The following SUPT6H variants were observed in gnomAD, a reference collection of about 807,000 sequenced individuals.
The protein encoded by SUPT6H is transcription elongation factor SPT6.
A neutral mutation model predicts 222.3 loss-of-function variants in SUPT6H; 11 were observed. That is an observed-to-expected ratio of 0.05 (90% CI 0.03 to 0.08). The LOEUF is 0.08. SUPT6H is among the 10% of genes least tolerant of loss of function. SUPT6H has a pLI of 1.00. For synonymous variants in SUPT6H, 762 were observed against 801.2 expected (o/e 0.95, Z 0.83); for missense variants, 1,422 against 2,216.0 (o/e 0.64, Z 7.19).
chr17:28,667,413 ATATATATATATATATATATATATG>A (rs2030115641), intron 1 of SUPT6H, among the ~76,000 whole-genome samples: 1 of 111,630 alleles, frequency 9.0e-6, no homozygotes, highest in Admixed American at 8.7e-5. Context: ...GTGTATATAT[ATATATATATATATATATATATATG>A]TATGTGTGTG....
intron 28 of SUPT6H, 76 bp downstream of exon 28, chr17:28,693,912 C>T: frequency 6.3e-7 from 1 of 1,587,572 alleles, no homozygotes; most frequent in South Asian, 1.1e-5. Flanking sequence ...TTTGGGCTGT[C>T]CCCACCAGAA....
In SUPT6H at chr17:28,687,432, T is replaced by C. The variant is rs974267237; in HGVS notation, c.2967T>C (p.Val989=). The change falls in exon 23 of 37, where the codon GTT becomes GTC. Residue 989 remains valine, a synonymous_variant. Coordinates refer to ENST00000314616, the MANE Select transcript of SUPT6H (RefSeq NM_003170.5). Reference sequence around the variant, plus strand: ...ACAGCCAGGCCTTGATCCAGTATGTTTGTGGCCTGGGACCTCGGAAAGGGA... The same window carrying C: ...ACAGCCAGGCCTTGATCCAGTATGTCTGTGGCCTGGGACCTCGGAAAGGGA... ...HPYSQALIQY[V]CGLGPRKGTH... 1.2e-6 allele frequency: 2 copies of C among 1,614,198 alleles called. No individual in the cohort carries two copies. Among genetic ancestry groups the C allele is most frequent in the Non-Finnish European group, 1.7e-6 (2 of 1,180,030 alleles).
chr17:28,662,605 TTC>T (rs2072077641), intron 1 of SUPT6H, among the ~76,000 whole-genome samples: 1 of 152,166 alleles, frequency 6.6e-6, no homozygotes, highest in Non-Finnish European at 1.5e-5. Context: ...CATCCCGTCC[TTC>T]TCTCCGCAGG....
At chr17:28,672,422 C>CT (rs540228695) in intron 1 of SUPT6H, among the ~76,000 whole-genome samples, 13 of 148,964 alleles carry the variant, frequency 8.7e-5, no homozygotes, top group South Asian at 2.1e-4. Context: ...CTTTTTTTTT[C>CT]TTTTTTTTCG....
At position 28,697,683 on chromosome 17, in the gene SUPT6H, G is replaced by A; in HGVS notation, c.4273G>A (p.Asp1425Asn). 6.2e-7 allele frequency: 1 copy of A among 1,614,194 alleles called. No individual in the cohort carries two copies. The highest frequency in any genetic ancestry group is 8.5e-7 in the Non-Finnish European group (1 of 1,180,046). ...YVQPMASFAR[D>N]LLNHKYYQDC... ...CCAGCCCATGGCATCCTTTGCCCGG[G>A]ACCTTCTGAATCACAAGTATTATCA... The change falls in exon 31 of 37, where the codon GAC (aspartate) becomes AAC (asparagine). Residue 1425 changes from aspartate to asparagine, a missense_variant. Asp to Asn is a conservative substitution (Grantham distance 23, BLOSUM62 1). Transcript: ENST00000314616.
Position 28,701,546 on chromosome 17 carries a change from C to A in SUPT6H, c.5102C>A (p.Ser1701Tyr). Reference protein sequence around the residue: ...KQKQRLTPRPSPSPMIESTPM... With the variant: ...KQKQRLTPRPYPSPMIESTPM... ...AAGCAGCGGCTGACACCTCGGCCCT[C>A]CCCCAGCCCCATGATCGAAAGCACC... The change falls in exon 37 of 37, where the codon TCC becomes TAC. Residue 1701 changes from serine to tyrosine, a missense_variant. This residue lies in a region of SUPT6H where 395 missense variants were observed against 580.6 expected (regional missense o/e 0.68). Coordinates refer to ENST00000314616, the MANE Select transcript of SUPT6H (RefSeq NM_003170.5). 6.2e-7 allele frequency: 1 copy of A among 1,614,042 alleles called. No individual in the cohort carries two copies. The highest frequency in any genetic ancestry group is 8.5e-7 in the Non-Finnish European group (1 of 1,179,990).
At chr17:28,670,617 G>A (rs2030355354) in intron 1 of SUPT6H, among the ~76,000 whole-genome samples, 1 of 152,132 alleles carries the variant, frequency 6.6e-6, no homozygotes, top group African/African-American at 2.4e-5. Flanking sequence ...CAGGCGCGGT[G>A]GCTCACGCCT....
intron 8 of SUPT6H, 116 bp from the exon 9 acceptor site, chr17:28,677,960 G>C: frequency 7.5e-7 from 1 of 1,337,660 alleles, no homozygotes; most frequent in Non-Finnish European, 1.1e-6. Flanking sequence ...GTGTGTATAT[G>C]AGAAAAATTT....
chr17:28,674,046 A>T (rs1021634049), intron 2 of SUPT6H, among the ~76,000 whole-genome samples: 4 of 152,252 alleles, frequency 2.6e-5, no homozygotes, highest in Admixed American at 2.6e-4. Flanking sequence ...AGCCAAAGTG[A>T]CGGGGAAGAT....
intron 32 of SUPT6H, among the ~76,000 whole-genome samples, chr17:28,699,425 G>A (rs2032047990): frequency 6.6e-6 from 1 of 152,172 alleles, no homozygotes; most frequent in African/African-American, 2.4e-5. Context: ...TGCTTTAGGG[G>A]AGTTGCGATT....
rs777138989 is a variant in SUPT6H, at chr17:28,687,339, G to A, written c.2874G>A (p.Leu958=). Residue 958 remains leucine (L), a synonymous_variant, in exon 23 of 37, where the codon TTG becomes TTA. Coordinates refer to ENST00000314616, the MANE Select transcript of SUPT6H (RefSeq NM_003170.5). ...TGAAAGAGGAGCTGCTCAACGCCTT[G>A]TACTGTGAATTTATCAACCGAGTCA... ...HVVKEELLNA[L]YCEFINRVNE... is the part of the protein sequence containing the mutation. The A allele has an allele frequency of 6.2e-7, 1 of 1,614,122 alleles. No homozygotes were observed. The highest frequency in any genetic ancestry group is 8.5e-7 in the Non-Finnish European group (1 of 1,180,026).
rs570573037 is a variant in SUPT6H at position 28,702,307 on chromosome 17, A to G, written c.*682A>G. ...TTTCAAAGCAGTGTTTGGAGCTCCAAGGACTCCCCTGACTCCCTCTTCTGA... is the reference window on the plus strand; with the variant it reads ...TTTCAAAGCAGTGTTTGGAGCTCCAGGGACTCCCCTGACTCCCTCTTCTGA... On this transcript the variant is annotated 3_prime_UTR_variant, in exon 37 of 37. Coordinates refer to ENST00000314616, the MANE Select transcript of SUPT6H (RefSeq NM_003170.5). The G allele has an allele frequency of 2.6e-5, 4 of 152,930 alleles. No individual in the cohort carries two copies. The East Asian group carries it at 5.8e-4, about 22-fold the overall frequency. 9.5% of individuals were successfully genotyped at this position (152,930 alleles called of 1,614,324 possible). A position where few individuals can be genotyped will look rare whatever the true frequency, so the allele number is the denominator to read the frequency against.
At chr17:28,680,066 A>C (rs2151628211) in intron 11 of SUPT6H, among the ~76,000 whole-genome samples, 1 of 151,248 alleles carries the variant, frequency 6.6e-6, no homozygotes. Context: ...ACACTTTGGA[A>C]GACTGAGGTG....
intron 19 of SUPT6H, among the ~76,000 whole-genome samples, chr17:28,685,269 A>G (rs2031323026): frequency 6.6e-6 from 1 of 152,180 alleles, no homozygotes; most frequent in African/African-American, 2.4e-5. Context: ...CTACTGAGGC[A>G]TGAAGCCAGC....
chr17:28,695,423 C>T lies in SUPT6H; in HGVS notation c.3846C>T (p.Arg1282=), dbSNP rs772981416. Residue 1282 remains arginine (R), a synonymous_variant, in exon 29 of 37, where the codon CGC becomes CGT. Transcript: ENST00000314616. ...AGTTCAGTGCAGACCTGACCTGCCG[C>T]ACCTCAGACCTCATGGACAGGAACA... ...IEKFSADLTC[R]TSDLMDRNNE... 6 of 1,614,030 alleles carry T rather than the reference C, an allele frequency of 3.7e-6. No homozygotes were observed. Among genetic ancestry groups the T allele is most frequent in the Middle Eastern group, 3.3e-4 (2 of 6,082 alleles).
At chr17:28,693,156 T>G (rs2031750160) in intron 27 of SUPT6H, among the ~76,000 whole-genome samples, 1 of 150,700 alleles carries the variant, frequency 6.6e-6, no homozygotes, top group Non-Finnish European at 1.5e-5. Context: ...GGCAAAAGAG[T>G]GATACTGTCA....
chr17:28,699,682 C>T (rs1228823817), intron 32 of SUPT6H, 99 bp from the exon 33 acceptor site: 8 of 970,042 alleles, frequency 8.2e-6, no homozygotes, highest in Non-Finnish European at 1.3e-5. Context: ...TTTCCCCTAG[C>T]ACCCAGAATG....
chr17:28,674,919 C>G (rs747975722), intron 4 of SUPT6H, 51 bp from the exon 5 acceptor site: 1 of 1,582,296 alleles, frequency 6.3e-7, no homozygotes, highest in Admixed American at 1.7e-5. Context: ...GATTTGGTAT[C>G]CGTATGCCAG....
chr17:28,678,485 C>A, intron 9 of SUPT6H, 60 bp from the exon 10 acceptor site: 1 of 1,515,456 alleles, frequency 6.6e-7, no homozygotes, highest in Non-Finnish European at 9.2e-7. Flanking sequence ...TATCTACTGA[C>A]AGAGGGGATC....
Sources: allele counts gnomAD v4.1 joint callset (sites outside exome capture counted in the v4.1 genomes callset), GRCh38; gene constraint gnomAD v4.1.1; regional missense constraint gnomAD v4.1.1; transcripts MANE v1.5; gene names NCBI Gene and HGNC (gene_info 2026-07-23, HGNC 2026-07-21).